EPS8L1: variants seen among roughly 807,000 people sequenced by gnomAD.
EPS8L1 encodes the protein EPS8 signaling adaptor L1, also known as epidermal growth factor receptor kinase substrate 8-like protein 1.
In EPS8L1, 101 loss-of-function variants were observed where a neutral mutation model predicts 91.7. The observed-to-expected ratio is 1.10, with a 90% confidence interval of 0.94 to 1.30. The LOEUF (loss-of-function observed/expected upper bound fraction) is 1.30. Ranked by LOEUF, EPS8L1 falls within the 50% of genes most tolerant of loss-of-function variation. The pLI is 0.00. For synonymous variants in EPS8L1, 506 were observed against 445.3 expected, an observed-to-expected ratio of 1.14 and a Z score of -1.72; for missense variants, 1,114 against 1,017.0, an observed-to-expected ratio of 1.10 and a Z score of -1.30.
chr19:55,082,180 G>A lies in EPS8L1; in HGVS notation c.990G>A (p.Leu330=), dbSNP rs538046215. 6 of 1,595,008 alleles carry A rather than the reference G, an allele frequency of 3.8e-6. No homozygotes were observed. The African/African-American group carries it at 4.0e-5, about 11-fold the overall frequency. ...LQKIKYAFSL[L]ARLRGNIADP... The stretch of plus-strand genomic sequence containing the variant: ...AGATCAAGTACGCCTTCAGCCTGCT[G>A]GTGAGGACGCGCCCGCCCCTGGGCC... The change falls in exon 10 of 20, where the codon CTG becomes CTA. Residue 330 remains leucine, a splice_region_variant and synonymous_variant. Coordinates refer to ENST00000201647, the MANE Select transcript of EPS8L1 (RefSeq NM_133180.3).
chr19:55,081,333 G>C lies in EPS8L1; in HGVS notation c.615G>C (p.Arg205=). ...GCGCAGTGATCAGCACCGTAGAGCG[G>C]GGCGCGGGCCGCGGACGACCCCAGG... is the stretch of plus-strand genomic sequence containing the variant. ...SVRAVISTVE[R]GAGRGRPQAK... The change falls in exon 8 of 20, where the codon CGG becomes CGC. Residue 205 remains arginine (R), a synonymous_variant. Coordinates refer to ENST00000201647, the MANE Select transcript of EPS8L1 (RefSeq NM_133180.3). The surrounding 1 kb of genome is among the most constrained non-coding windows in gnomAD (Gnocchi z 4.9). 2 of 1,557,712 alleles carry C rather than the reference G, an allele frequency of 1.3e-6. No individual in the cohort carries two copies. Among genetic ancestry groups the C allele is most frequent in the Non-Finnish European group, 1.7e-6 (2 of 1,156,938 alleles).
chr19:55,076,389 CAT>C lies in EPS8L1; in HGVS notation c.-37-18_-37-17del, dbSNP rs1272234151. ...GAGGCTCCTACTGGCCAGGCCTTCA[CAT>C]GTTTGCTGGCTCCCAGGGCACCTCC... On this transcript the variant is annotated splice_polypyrimidine_tract_variant and intron_variant, in intron 1 of 19. Coordinates refer to ENST00000201647, the MANE Select transcript of EPS8L1 (RefSeq NM_133180.3). 1.1e-5 allele frequency: 17 copies of C among 1,606,350 alleles called. No homozygotes were observed. The African/African-American group carries it at 1.2e-4, about 11-fold the overall frequency.
chr19:55,087,572 A>G lies in EPS8L1; in HGVS notation c.2130A>G (p.Gln710=), dbSNP rs2147168019. ...VSELEAVMEK[Q]KKKVEGEVEM... Reference sequence around the variant, plus strand: ...AGCTGGAGGCAGTGATGGAGAAGCAAAAGAAGAAGGTGGAAGGCGAGGTGG... The same window carrying G: ...AGCTGGAGGCAGTGATGGAGAAGCAGAAGAAGAAGGTGGAAGGCGAGGTGG... The change falls in exon 20 of 20, where the codon CAA becomes CAG. Residue 710 remains glutamine, a synonymous_variant. Coordinates refer to ENST00000201647, the MANE Select transcript of EPS8L1 (RefSeq NM_133180.3). The G allele has an allele frequency of 6.8e-6, 11 of 1,614,136 alleles. No homozygotes were observed. Among genetic ancestry groups the G allele is most frequent in the Non-Finnish European group, 9.3e-6 (11 of 1,180,006 alleles).
chr19:55,077,474 T>C (rs922524727), intron 2 of EPS8L1, among the ~76,000 whole-genome samples: 4 of 151,964 alleles, frequency 2.6e-5, no homozygotes, highest in Admixed American at 6.6e-5. Context: ...AATCCTCTTC[T>C]GAAGGTCTTA....
At chr19:55,085,712 T>C (rs2076345597) in intron 14 of EPS8L1, 129 bp from the exon 15 acceptor site, 2 of 1,034,524 alleles carry the variant, frequency 1.9e-6, no homozygotes, top group South Asian at 3.5e-5. Context: ...CAAATTTCTA[T>C]TAACAGTATT....
chr19:55,086,878 T>G lies in EPS8L1; in HGVS notation c.1942T>G (p.Phe648Val). 1 of 1,443,212 alleles carries G rather than the reference T, an allele frequency of 6.9e-7. No homozygotes were observed. Among genetic ancestry groups the G allele is most frequent in the Non-Finnish European group, 9.1e-7 (1 of 1,103,416 alleles). The allele number at this position is 1,443,212 out of a possible 1,614,324, so 89.4% of individuals were successfully genotyped here. Reference sequence around the variant, plus strand: ...CCGCGCCTGGCTGCAGGCCAAGGGCTTTAGCTCCGGGTGAGTGGGGCCGGG... The same window carrying G: ...CCGCGCCTGGCTGCAGGCCAAGGGCGTTAGCTCCGGGTGAGTGGGGCCGGG... ...EVRAWLQAKG[F>V]SSGTVDALGV... Residue 648 changes from phenylalanine (F) to valine (V), a missense_variant, in exon 18 of 20, where the codon TTT becomes GTT. Physicochemically the swap from Phe to Val is conservative, Grantham distance 50. Coordinates refer to ENST00000201647, the MANE Select transcript of EPS8L1 (RefSeq NM_133180.3).
Position 55,087,797 on chromosome 19 carries a change from C to G in EPS8L1, c.*183C>G, listed in dbSNP as rs2076369148. ...GCAGTCCCTCCGGAGAGGATCTGGA[C>G]TGGCTGGGAGTGGGGAGGGCGTGGA... On this transcript the variant is annotated 3_prime_UTR_variant, in exon 20 of 20. Coordinates refer to ENST00000201647, the MANE Select transcript of EPS8L1 (RefSeq NM_133180.3). The G allele has an allele frequency of 2.9e-6, 2 of 679,930 alleles. No homozygotes were observed. The highest frequency in any genetic ancestry group is 4.0e-4 in the Middle Eastern group (1 of 2,528). 42.1% of individuals were successfully genotyped at this position (679,930 alleles called of 1,614,324 possible). A position where few individuals can be genotyped will look rare whatever the true frequency, so the allele number is the denominator to read the frequency against.
chr19:55,086,608 C>A, intron 17 of EPS8L1, 90 bp downstream of exon 17: 1 of 1,529,742 alleles, frequency 6.5e-7, no homozygotes, highest in Non-Finnish European at 8.8e-7. Flanking sequence ...CAAAGGGACT[C>A]CCGTCCCATT....
Position 55,086,455 on chromosome 19 carries a change from C to T in EPS8L1, c.1714C>T (p.Arg572Cys), listed in dbSNP as rs1017401421. The T allele has an allele frequency of 6.4e-6, 10 of 1,552,522 alleles. No homozygotes were observed. Among genetic ancestry groups the T allele is most frequent in the Non-Finnish European group, 8.7e-6 (10 of 1,147,424 alleles). Residue 572 changes from arginine (R) to cysteine (C), a missense_variant, in exon 17 of 20, where the codon CGC becomes TGC. Coordinates refer to ENST00000201647, the MANE Select transcript of EPS8L1 (RefSeq NM_133180.3). ...PAPPPALARP[R>C]WDRPRWDSCD... ...CCCACCTCCAGCTCTGGCTCGGCCC[C>T]GCTGGGACAGGCCCCGCTGGGACAG...
At chr19:55,079,651 C>T (rs767024500) in intron 4 of EPS8L1, 39 bp from the exon 5 acceptor site, 7 of 1,593,146 alleles carry the variant, frequency 4.4e-6, no homozygotes, top group Non-Finnish European at 4.3e-6. Flanking sequence ...CACCTGGCAT[C>T]ATCTTGGGCC....
In EPS8L1 at chr19:55,080,801, G is replaced by C; in HGVS notation, c.459G>C (p.Gly153=). The C allele has an allele frequency of 1.9e-6, 3 of 1,612,060 alleles. No homozygotes were observed. In the East Asian group the frequency reaches 6.7e-5, roughly 36 times the overall value. The change falls in exon 7 of 20, where the codon GGG becomes GGC. Residue 153 remains glycine, a synonymous_variant. Coordinates refer to ENST00000201647, the MANE Select transcript of EPS8L1 (RefSeq NM_133180.3). ...GAELIREDIQ[G]ALHNYRSGRG... is the part of the protein sequence containing the mutation. ...AGCTGATCCGAGAGGACATCCAGGGGGCTCTGCACAATTACCGCTCGGGCC... is the reference window on the plus strand; with the variant it reads ...AGCTGATCCGAGAGGACATCCAGGGCGCTCTGCACAATTACCGCTCGGGCC...
chr19:55,084,865 T>C (rs8112233), intron 14 of EPS8L1, among the ~76,000 whole-genome samples: 5,105 of 152,222 alleles, frequency 0.034, 254 homozygotes, highest in African/African-American at 0.12. Flanking sequence ...GTTAAGGGCT[T>C]AAGGCTGTGA....
chr19:55,080,447 G>A (rs771794941), intron 6 of EPS8L1, 169 bp downstream of exon 6: 1 of 1,611,188 alleles, frequency 6.2e-7, no homozygotes, highest in Non-Finnish European at 8.5e-7. Flanking sequence ...AGTGGGGTTT[G>A]AGATTGGACC....
At chr19:55,078,175 AG>A (rs1312039981) in intron 3 of EPS8L1, 47 bp downstream of exon 3, 4 of 1,582,788 alleles carry the variant, frequency 2.5e-6, no homozygotes, top group Non-Finnish European at 3.5e-6. Flanking sequence ...CTGGGTCTAA[AG>A]AAACAGGACC....
intron 14 of EPS8L1, chr19:55,084,336 G>C (rs994410061): frequency 6.5e-6 from 1 of 153,358 alleles, no homozygotes; most frequent in Non-Finnish European, 1.5e-5. Flanking sequence ...GGACTCCTAG[G>C]TCCCTGGGGG....
chr19:55,081,333 G>A lies in EPS8L1; in HGVS notation c.615G>A (p.Arg205=), dbSNP rs1357888200. 2 of 1,557,594 alleles carry A rather than the reference G, an allele frequency of 1.3e-6. No individual in the cohort carries two copies. The highest frequency in any genetic ancestry group is 1.9e-5 in the Admixed American group (1 of 52,152). The change falls in exon 8 of 20, where the codon CGG becomes CGA. Residue 205 remains arginine (R), a synonymous_variant. Coordinates refer to ENST00000201647, the MANE Select transcript of EPS8L1 (RefSeq NM_133180.3). The surrounding 1 kb of genome is among the most constrained non-coding windows in gnomAD (Gnocchi z 4.9). ...SVRAVISTVE[R]GAGRGRPQAK... ...GCGCAGTGATCAGCACCGTAGAGCGGGGCGCGGGCCGCGGACGACCCCAGG... is the reference window on the plus strand; with the variant it reads ...GCGCAGTGATCAGCACCGTAGAGCGAGGCGCGGGCCGCGGACGACCCCAGG...
rs1386408950 is a variant in EPS8L1, at chr19:55,081,476, A to G, written c.758A>G (p.Gln253Arg). Reference protein sequence around the residue: ...GPRGPDLAVLQAEREVDILNH... With the variant: ...GPRGPDLAVLRAEREVDILNH... Reference sequence around the variant, plus strand: ...CGGGGTCCTGACCTGGCGGTTCTGCAGGCGGAGCGGGAAGTGGTGAGCCGC... The same window carrying G: ...CGGGGTCCTGACCTGGCGGTTCTGCGGGCGGAGCGGGAAGTGGTGAGCCGC... Residue 253 changes from glutamine (Q) to arginine (R), a missense_variant, in exon 8 of 20, where the codon CAG becomes CGG. Physicochemically the swap from Gln to Arg is conservative, Grantham distance 43 (BLOSUM62 1). Coordinates refer to ENST00000201647, the MANE Select transcript of EPS8L1 (RefSeq NM_133180.3). The surrounding 1 kb of genome is among the most constrained non-coding windows in gnomAD (Gnocchi z 4.9). 3 of 1,589,840 alleles carry G rather than the reference A, an allele frequency of 1.9e-6. No individual in the cohort carries two copies. The Admixed American group carries it at 5.2e-5, about 28-fold the overall frequency.
At chr19:55,077,929 G>A (rs2076162828) in intron 2 of EPS8L1, among the ~76,000 whole-genome samples, 159 bp from the exon 3 acceptor site, 1 of 137,450 alleles carries the variant, frequency 7.3e-6, no homozygotes, top group Admixed American at 7.8e-5. Context: ...GAGCTCTCCT[G>A]CTCAATAATA....
intron 3 of EPS8L1, 76 bp downstream of exon 3, chr19:55,078,204 G>T: frequency 7.1e-7 from 1 of 1,399,330 alleles, no homozygotes; most frequent in Non-Finnish European, 9.9e-7. Flanking sequence ...CAGGGTCTTG[G>T]AGGAGGAGGG....
Sources: allele counts gnomAD v4.1 joint callset (sites outside exome capture counted in the v4.1 genomes callset), GRCh38; gene constraint gnomAD v4.1.1; non-coding constraint Gnocchi (gnomAD v3.1); transcripts MANE v1.5; gene names NCBI Gene and HGNC (gene_info 2026-07-23, HGNC 2026-07-21).